FLT1: variants seen among roughly 807,000 people sequenced by gnomAD.
FLT1 encodes vascular endothelial growth factor receptor 1.
FLT1 carries 49 observed loss-of-function variants against 156.3 expected under a neutral mutation model. The observed-to-expected ratio is 0.31, with a 90% CI of 0.25 to 0.40. The LOEUF is 0.40. Ranked by LOEUF, FLT1 falls within the 10% of genes least tolerant of loss-of-function variation. The pLI is 1.00. For missense variants in FLT1, 1,322 were observed against 1,637.2 expected, an observed-to-expected ratio of 0.81 and a Z score of 3.32; for synonymous variants, 594 against 583.8, an observed-to-expected ratio of 1.02 and a Z score of -0.25.
At chr13:28,426,130 C>CTTTTTTTTTTTTTTTTTTTTTTTTTTTT (rs113958200) in intron 10 of FLT1, among the ~76,000 whole-genome samples, 1 of 131,124 alleles carries the variant, frequency 7.6e-6, no homozygotes, top group African/African-American at 2.8e-5. Context: ...TCCTGTCAAT[C>CTTTTTTTTTTTTTTTTTTTTTTTTTTTT]TTTTTTTTTT....
chr13:28,319,307 A>G (rs1871340947), intron 24 of FLT1, 116 bp downstream of exon 24: 1 of 723,260 alleles, frequency 1.4e-6, no homozygotes, highest in East Asian at 2.7e-5. Flanking sequence ...TTACACTTTA[A>G]GAGTTTTTTG....
At chr13:28,449,627 A>G (rs972327096) in intron 3 of FLT1, among the ~76,000 whole-genome samples, 1 of 152,200 alleles carries the variant, frequency 6.6e-6, no homozygotes, top group Non-Finnish European at 1.5e-5. Flanking sequence ...TGTTACACAA[A>G]TATTTCTATT....
intron 14 of FLT1, among the ~76,000 whole-genome samples, chr13:28,358,361 A>G (rs1233242307): frequency 6.6e-6 from 1 of 152,226 alleles, no homozygotes; most frequent in Non-Finnish European, 1.5e-5. Context: ...CACTTAGGCA[A>G]GTTACTTGAT....
At chr13:28,446,769 A>C (rs1285409105) in intron 3 of FLT1, among the ~76,000 whole-genome samples, 1 of 152,226 alleles carries the variant, frequency 6.6e-6, no homozygotes, top group Non-Finnish European at 1.5e-5. Context: ...AGAATCCCAG[A>C]TGACTTCACA....
intron 24 of FLT1, among the ~76,000 whole-genome samples, chr13:28,318,694 C>T (rs1201129028): frequency 6.6e-6 from 1 of 152,146 alleles, no homozygotes; most frequent in Non-Finnish European, 1.5e-5. Context: ...AGGGATGTTA[C>T]TGGGTGACTT....
intron 3 of FLT1, among the ~76,000 whole-genome samples, chr13:28,455,861 T>A (rs1213060477): frequency 6.6e-6 from 1 of 152,252 alleles, no homozygotes; most frequent in East Asian, 1.9e-4. Flanking sequence ...CAAATAAGCA[T>A]ATGAAAAGGT....
At chr13:28,476,580 C>T (rs1021774825) in intron 1 of FLT1, among the ~76,000 whole-genome samples, 2 of 152,124 alleles carry the variant, frequency 1.3e-5, no homozygotes, top group Admixed American at 6.6e-5. Context: ...GTATATTAAA[C>T]GCACTATTTT....
intron 14 of FLT1, among the ~76,000 whole-genome samples, chr13:28,360,534 T>C (rs1021189602): frequency 2.0e-5 from 3 of 152,240 alleles, no homozygotes; most frequent in African/African-American, 7.2e-5. Flanking sequence ...CTGTCATTTA[T>C]GACAATATGG....
chr13:28,406,674 C>A (rs941934750), intron 10 of FLT1, among the ~76,000 whole-genome samples: 35 of 151,628 alleles, frequency 2.3e-4, no homozygotes, highest in Non-Finnish European at 3.8e-4. Context: ...GAGACAGGGT[C>A]TCACTCTGTC....
chr13:28,372,048 GTATATATA>G (rs1169072431), intron 14 of FLT1, among the ~76,000 whole-genome samples: 21 of 75,580 alleles, frequency 2.8e-4, no homozygotes, highest in Admixed American at 7.9e-4. Context: ...GTGTGTGTGT[GTATATATA>G]TATATATATA....
chr13:28,314,648 A>G (rs1048322350), intron 25 of FLT1, among the ~76,000 whole-genome samples: 3 of 152,166 alleles, frequency 2.0e-5, no homozygotes, highest in African/African-American at 7.2e-5. Context: ...AGATCACAGA[A>G]TCCCAGTTCT....
chr13:28,395,888 A>C (rs1315695214), intron 12 of FLT1, among the ~76,000 whole-genome samples: 4 of 152,262 alleles, frequency 2.6e-5, no homozygotes, highest in Admixed American at 2.6e-4. Context: ...GTTCAGAACA[A>C]AACAGGAATT....
At chr13:28,386,003 C>G in intron 13 of FLT1, 1 of 1,051,846 alleles carries the variant, frequency 9.5e-7, no homozygotes, top group Non-Finnish European at 1.1e-6. Flanking sequence ...TCATTCCTTT[C>G]CCCTCTTGTT....
rs145058216 is a variant in FLT1 at position 28,471,994 on chromosome 13, T to C, written c.65-4377A>G. Among the ~76,000 whole-genome samples, 20 of 152,338 alleles carry C rather than the reference T, an allele frequency of 1.3e-4. No homozygotes were observed. In the East Asian group the frequency reaches 3.9e-3, roughly 29 times the overall value. On this transcript the variant is annotated intron_variant, in intron 1 of 29. Transcript: ENST00000282397. ...GGTCAAGCAGTGTAGGCTAATAGCA[T>C]TAAAAAACCAACATGTGAACGTGGA...
Position 28,327,442 on chromosome 13 carries a change from C to T in FLT1, c.2796+20G>A. On this transcript the variant is annotated intron_variant, in intron 20 of 29. Coordinates refer to ENST00000282397, the MANE Select transcript of FLT1 (RefSeq NM_002019.4). ...AACTCATTGCTATCTTTAAAAACCT[C>T]CAACTTTTGAAATCCTTACCTTGTT... 6.7e-7 allele frequency: 1 copy of T among 1,498,742 alleles called. No homozygotes were observed. 92.8% of individuals were successfully genotyped at this position (1,498,742 alleles called of 1,614,324 possible).
At chr13:28,421,621 T>C (rs1877008554) in intron 10 of FLT1, among the ~76,000 whole-genome samples, 1 of 152,144 alleles carries the variant, frequency 6.6e-6, no homozygotes, top group African/African-American at 2.4e-5. Context: ...ATTTAAGACT[T>C]TTCTGACAGC....
Position 28,438,345 on chromosome 13 carries a change from T to C in FLT1, c.389A>G (p.Asp130Gly). Residue 130 changes from aspartate (D) to glycine (G), a missense_variant and splice_region_variant, in exon 4 of 30, where the codon GAT (aspartate) becomes GGT (glycine). Asp to Gly is a moderately conservative substitution (Grantham distance 94). Coordinates refer to ENST00000282397, the MANE Select transcript of FLT1 (RefSeq NM_002019.4). ...TESAIYIFIS[D>G]TGRPFVEMYS... ...CATCTCTACGAAAGGTCTACCTGTA[T>C]CTGAATGAGAAGAAAATGAAAAAAA... The C allele has an allele frequency of 5.0e-6, 8 of 1,608,252 alleles. No individual in the cohort carries two copies. The highest frequency in any genetic ancestry group is 6.0e-6 in the Non-Finnish European group (7 of 1,174,696).
intron 14 of FLT1, among the ~76,000 whole-genome samples, chr13:28,375,907 A>G (rs1186761358): frequency 6.6e-6 from 1 of 152,250 alleles, no homozygotes; most frequent in Non-Finnish European, 1.5e-5. Context: ...GGAAAAGGCA[A>G]CTACAACTCA....
chr13:28,479,941 TG>T (rs1324496183), intron 1 of FLT1, among the ~76,000 whole-genome samples: 2 of 152,260 alleles, frequency 1.3e-5, no homozygotes, highest in Non-Finnish European at 2.9e-5. Flanking sequence ...CAGCTCATTC[TG>T]TAGGACAAAA....
Sources: gnomAD v4.1 joint callset for allele counts (sites outside exome capture counted in the v4.1 genomes callset) on GRCh38, gnomAD v4.1.1 for gene constraint, MANE v1.5 for transcripts, NCBI Gene and HGNC (gene_info 2026-07-23, HGNC 2026-07-21) for gene names.